The following PARPBP variants were observed in gnomAD, a reference collection of about 807,000 sequenced individuals.
PARPBP encodes PARP1 binding protein, also known as PCNA-interacting partner.
A neutral mutation model predicts 50.0 loss-of-function variants in PARPBP; 52 were observed. The observed-to-expected ratio is 1.04, with a 90% CI of 0.83 to 1.31. The LOEUF is 1.31. Among genes scored for constraint, PARPBP ranks in the 50% most tolerant of loss-of-function variants. The pLI is 0.00. For missense variants in PARPBP, 697 were observed against 672.0 expected, an observed-to-expected ratio of 1.04 and a Z score of -0.41; for synonymous variants, 244 against 232.1, an observed-to-expected ratio of 1.05 and a Z score of -0.47.
chr12:102,184,662 C>T (rs540011026), intron 9 of PARPBP, among the ~76,000 whole-genome samples: 1 of 152,282 alleles, frequency 6.6e-6, no homozygotes. Flanking sequence ...TTAGTCTATA[C>T]AGCTCTGAAT....
At chr12:102,144,250 T>C (rs954293036) in intron 2 of PARPBP, among the ~76,000 whole-genome samples, 11 of 152,236 alleles carry the variant, frequency 7.2e-5, no homozygotes, top group African/African-American at 2.7e-4. Flanking sequence ...AAATATGATA[T>C]AATGTACAAA....
chr12:102,128,582 T>A (rs1315275824), intron 2 of PARPBP, among the ~76,000 whole-genome samples: 2 of 152,224 alleles, frequency 1.3e-5, no homozygotes, highest in Non-Finnish European at 2.9e-5. Context: ...ATGTGGTGTT[T>A]GTCTTTCTAT....
At chr12:102,165,957 G>A (rs751932393) in intron 6 of PARPBP, 74 bp downstream of exon 6, 78 of 986,766 alleles carry the variant, frequency 7.9e-5, no homozygotes, top group Non-Finnish European at 1.1e-4. Context: ...GTAGAAATAA[G>A]GGATATTGAA....
chr12:102,181,771 A>G (rs1341851288), intron 8 of PARPBP, among the ~76,000 whole-genome samples: 2 of 152,194 alleles, frequency 1.3e-5, no homozygotes, highest in African/African-American at 2.4e-5. Context: ...CCCAGACTAG[A>G]TAATTTGTAA....
chr12:102,131,462 C>T lies in PARPBP; in HGVS notation c.153+7421C>T, dbSNP rs140263097. ...CTTGAAGACCTAAAAACAGAACTAC[C>T]ATTTGACCCAGCAATCCCATTATTG... is the stretch of plus-strand genomic sequence containing the variant. On this transcript the variant is annotated intron_variant, in intron 2 of 10. Transcript: ENST00000327680. 3.1e-3 allele frequency among the ~76,000 whole-genome samples: 467 copies of T among 152,256 alleles called. 1 individual carries two copies. The highest frequency in any genetic ancestry group is 4.6e-3 in the Non-Finnish European group (313 of 68,018).
At chr12:102,131,320 G>A (rs1297303565) in intron 2 of PARPBP, among the ~76,000 whole-genome samples, 9 of 152,156 alleles carry the variant, frequency 5.9e-5, no homozygotes. Context: ...GCGAGACTCT[G>A]TCTCAAAAGA....
intron 1 of PARPBP, among the ~76,000 whole-genome samples, chr12:102,120,909 C>T (rs777004961): frequency 1.3e-5 from 2 of 152,166 alleles, no homozygotes; most frequent in Non-Finnish European, 2.9e-5. Context: ...TTCTTTCAAC[C>T]ATTTCACACT....
chr12:102,128,151 T>C (rs1476419364), intron 2 of PARPBP, among the ~76,000 whole-genome samples: 1 of 152,198 alleles, frequency 6.6e-6, no homozygotes, highest in Non-Finnish European at 1.5e-5. Flanking sequence ...GTATATACTT[T>C]GATGAGTATC....
chr12:102,192,001 C>T (rs1246351948), intron 9 of PARPBP, among the ~76,000 whole-genome samples: 1 of 152,086 alleles, frequency 6.6e-6, no homozygotes, highest in Non-Finnish European at 1.5e-5. Context: ...TATGTAGCCA[C>T]TAATCTTGTG....
At chr12:102,133,997 C>T (rs1466241082) in intron 2 of PARPBP, among the ~76,000 whole-genome samples, 1 of 151,504 alleles carries the variant, frequency 6.6e-6, no homozygotes, top group Non-Finnish European at 1.5e-5. Flanking sequence ...GCAATAAACA[C>T]CTACATTGAA....
At chr12:102,183,265 T>C (rs1890007437) in intron 9 of PARPBP, among the ~76,000 whole-genome samples, 1 of 152,186 alleles carries the variant, frequency 6.6e-6, no homozygotes, top group South Asian at 2.1e-4. Flanking sequence ...CACTGTTGTA[T>C]GGTTGGGAAT....
intron 9 of PARPBP, among the ~76,000 whole-genome samples, chr12:102,192,227 C>CATGTTATTACA (rs1269699316): frequency 2.6e-5 from 4 of 152,078 alleles, no homozygotes; most frequent in Non-Finnish European, 4.4e-5. Context: ...TCTCTTCCTA[C>CATGTTATTACA]ATGTTATTAC....
At chr12:102,139,964 C>G (rs1884291784) in intron 2 of PARPBP, among the ~76,000 whole-genome samples, 1 of 152,100 alleles carries the variant, frequency 6.6e-6, no homozygotes. Context: ...TGTGTCTCTG[C>G]CAGGCTTTGG....
At chr12:102,131,050 A>G (rs1882780457) in intron 2 of PARPBP, among the ~76,000 whole-genome samples, 1 of 151,856 alleles carries the variant, frequency 6.6e-6, no homozygotes, top group African/African-American at 2.4e-5. Context: ...ATCAAAAAGT[A>G]ACAGTGGCTC....
intron 9 of PARPBP, among the ~76,000 whole-genome samples, chr12:102,184,689 A>G (rs926430481): frequency 6.6e-6 from 1 of 152,228 alleles, no homozygotes; most frequent in Admixed American, 6.5e-5. Context: ...ATAAACGGCA[A>G]TCAAGAAAGG....
At chr12:102,168,308 A>G (rs953409761) in intron 6 of PARPBP, among the ~76,000 whole-genome samples, 2 of 152,158 alleles carry the variant, frequency 1.3e-5, no homozygotes, top group Non-Finnish European at 2.9e-5. Flanking sequence ...CATTTGTTTT[A>G]GAGGCATCTA....
intron 2 of PARPBP, among the ~76,000 whole-genome samples, chr12:102,147,552 C>G (rs899175027): frequency 1.7e-5 from 2 of 120,646 alleles, no homozygotes; most frequent in Non-Finnish European, 3.2e-5. Context: ...ACATCACACT[C>G]TGGGGACTCT....
chr12:102,154,129 G>A (rs1886576583), intron 4 of PARPBP, 153 bp downstream of exon 4: 3 of 511,252 alleles, frequency 5.9e-6, no homozygotes, highest in South Asian at 3.2e-5. Flanking sequence ...TAATACATTG[G>A]AGGCTGGTGA....
chr12:102,195,864 C>T, intron 10 of PARPBP, 87 bp from the exon 11 acceptor site: 2 of 796,702 alleles, frequency 2.5e-6, no homozygotes, highest in Non-Finnish European at 2.0e-6. Context: ...TATTCGTTAG[C>T]CATTTTTAAA....
Sources: gnomAD v4.1 joint callset for allele counts (sites outside exome capture counted in the v4.1 genomes callset) on GRCh38, gnomAD v4.1.1 for gene constraint, MANE v1.5 for transcripts, NCBI Gene and HGNC (gene_info 2026-07-23, HGNC 2026-07-21) for gene names.